PRRC2A: variants seen among roughly 807,000 people sequenced by gnomAD.
The protein encoded by PRRC2A is proline rich coiled-coil 2A, also known as protein PRRC2A.
PRRC2A carries 59 observed loss-of-function variants against 224.6 expected under a neutral mutation model. The observed-to-expected ratio is 0.26, with a 90% confidence interval of 0.21 to 0.33. The LOEUF (loss-of-function observed/expected upper bound fraction) is 0.33, where lower values mean the gene tolerates loss of function less well. Among genes scored for constraint, PRRC2A ranks in the 10% least tolerant of loss-of-function variants. The pLI is 1.00. For synonymous variants in PRRC2A, 1,194 were observed against 1,109.5 expected (o/e 1.08, Z -1.51); for missense variants, 3,095 against 2,880.7 (o/e 1.07, Z -1.70).
chr6:31,632,242 A>T lies in PRRC2A; in HGVS notation c.3569A>T (p.Lys1190Met). ...QVCPGWSPPA[K>M]SLAPKKPPTG... ...TGCCCAGGCTGGAGCCCTCCAGCCA[A>T]GTCTCTGGCTCCCAAGAAACCTCCC... is the stretch of plus-strand genomic sequence containing the variant. The change falls in exon 16 of 31, where the codon AAG (lysine) becomes ATG (methionine). Residue 1190 changes from lysine (K) to methionine (M), a missense_variant. Coordinates refer to ENST00000376033, the MANE Select transcript of PRRC2A (RefSeq NM_004638.4). 3 of 1,612,856 alleles carry T rather than the reference A, an allele frequency of 1.9e-6. No homozygotes were observed. In the South Asian group the frequency reaches 3.3e-5, roughly 18 times the overall value.
chr6:31,623,594 G>T, intron 2 of PRRC2A, 138 bp from the exon 3 acceptor site: 1 of 1,002,894 alleles, frequency 1.0e-6, no homozygotes, highest in East Asian at 2.6e-5. Flanking sequence ...TAAGGGCAGG[G>T]GAAGGAATCC....
At chr6:31,630,099 C>CT (rs1207366427) in intron 14 of PRRC2A, among the ~76,000 whole-genome samples, 20 of 152,108 alleles carry the variant, frequency 1.3e-4, no homozygotes, top group African/African-American at 4.8e-4. Context: ...GGCAGATCAA[C>CT]TGAGTTCAGG....
Position 31,625,246 on chromosome 6 carries a change from A to T in PRRC2A, c.539A>T (p.Asp180Val). ...FPTLQAAGDQDKAAKERESAE... is the reference protein window; with the variant it reads ...FPTLQAAGDQVKAAKERESAE... ...ACCCTGCAGGCGGCTGGCGACCAGG[A>T]CAAGGCTGCCAAGGAAAGGGAGTCT... Residue 180 changes from aspartate (D) to valine (V), a missense_variant, in exon 6 of 31, where the codon GAC (aspartate) becomes GTC (valine). By Grantham distance (152) the Asp-to-Val change is radical (BLOSUM62 -3). Transcript: ENST00000376033. The surrounding 1 kb of genome is among the most constrained non-coding windows in gnomAD (Gnocchi z 4.1). 1 of 1,613,190 alleles carries T rather than the reference A, an allele frequency of 6.2e-7. No individual in the cohort carries two copies. Among genetic ancestry groups the T allele is most frequent in the Non-Finnish European group, 8.5e-7 (1 of 1,180,036 alleles).
In PRRC2A at chr6:31,629,753, C is replaced by G; in HGVS notation, c.2162C>G (p.Pro721Arg). 6.2e-7 allele frequency: 1 copy of G among 1,612,752 alleles called. No homozygotes were observed. Among genetic ancestry groups the G allele is most frequent in the South Asian group, 1.1e-5 (1 of 90,930 alleles). Reference protein sequence around the residue: ...PPPMPPMNFDPRWMMIPPYVD... With the variant: ...PPPMPPMNFDRRWMMIPPYVD... ...CCCATGCCCCCAATGAACTTTGATC[C>G]CCGATGGATGATGATTCCTCCTTAT... The change falls in exon 14 of 31, where the codon CCC (proline) becomes CGC (arginine). Residue 721 changes from proline to arginine, a missense_variant. By Grantham distance (103) the Pro-to-Arg change is moderately radical. Around this residue, in one of 8 missense-constraint regions of PRRC2A, gnomAD observed 2,001 missense variants for 1,764.9 expected, o/e 1.13. Coordinates refer to ENST00000376033, the MANE Select transcript of PRRC2A (RefSeq NM_004638.4).
chr6:31,627,390 CTG>C lies in PRRC2A; in HGVS notation c.1290+193_1290+194del, dbSNP rs1213491334. Reference sequence around the variant, plus strand: ...GGGAGTCTGGGTAAGAAGTGAGAAACTGGGATGCTAATGAGGAAAGAAGAAAA... The same window carrying C: ...GGGAGTCTGGGTAAGAAGTGAGAAACGGATGCTAATGAGGAAAGAAGAAAA... On this transcript the variant is annotated intron_variant, in intron 11 of 30. Transcript: ENST00000376033. This position sits in a 1 kb window ranked among gnomAD's most constrained non-coding sequence, Gnocchi z 5.6. Among the ~76,000 whole-genome samples the C allele has an allele frequency of 6.6e-6, 1 of 152,104 alleles. No individual in the cohort carries two copies. The highest frequency in any genetic ancestry group is 1.5e-5 in the Non-Finnish European group (1 of 68,010).
At position 31,632,130 on chromosome 6, in the gene PRRC2A, T is replaced by G. The variant is rs1168276087; in HGVS notation, c.3457T>G (p.Phe1153Val). The change falls in exon 16 of 31, where the codon TTC becomes GTC. Residue 1153 changes from phenylalanine (F) to valine (V), a missense_variant. Physicochemically the swap from Phe to Val is conservative, Grantham distance 50. Coordinates refer to ENST00000376033, the MANE Select transcript of PRRC2A (RefSeq NM_004638.4). ...GAPPSPAPAR[F>V]TARGGRVFTP... The stretch of plus-strand genomic sequence containing the variant: ...CCCACCTTCACCAGCCCCAGCCCGC[T>G]TCACTGCCCGGGGTGGGCGAGTCTT... 1 of 1,557,892 alleles carries G rather than the reference T, an allele frequency of 6.4e-7. No homozygotes were observed. The highest frequency in any genetic ancestry group is 8.7e-7 in the Non-Finnish European group (1 of 1,152,082).
Position 31,637,573 on chromosome 6 carries a change from C to T in PRRC2A, c.6461C>T (p.Pro2154Leu), listed in dbSNP as rs1313865586. The T allele has an allele frequency of 6.3e-7, 1 of 1,579,892 alleles. No homozygotes were observed. Among genetic ancestry groups the T allele is most frequent in the Non-Finnish European group, 8.6e-7 (1 of 1,164,742 alleles). The change falls in exon 31 of 31, where the codon CCC (proline) becomes CTC (leucine). Residue 2154 changes from proline (P) to leucine (L), a missense_variant. Physicochemically the swap from Pro to Leu is moderately conservative, Grantham distance 98 (BLOSUM62 -3). Around this residue, in one of 8 missense-constraint regions of PRRC2A, gnomAD observed 662 missense variants for 609.5 expected, o/e 1.09. Transcript: ENST00000376033. ...GSRGDKEPGL[P>L]PPR Reference sequence around the variant, plus strand: ...CGAGGGGACAAGGAGCCTGGGTTGCCCCCACCCCGCTGAGGGAGTTCCTCT... The same window carrying T: ...CGAGGGGACAAGGAGCCTGGGTTGCTCCCACCCCGCTGAGGGAGTTCCTCT...
chr6:31,634,424 G>A (rs778008571), intron 19 of PRRC2A, 48 bp from the exon 20 acceptor site: 1 of 1,612,322 alleles, frequency 6.2e-7, no homozygotes, highest in Non-Finnish European at 8.5e-7. Flanking sequence ...AGGGGCTTCT[G>A]AACTGTCATC....
rs1031251619 is a variant in PRRC2A at position 31,635,048 on chromosome 6, TTC to T, written c.5160+77_5161-77del. The T allele has an allele frequency of 1.0e-4, 167 of 1,598,492 alleles. No homozygotes were observed. The African/African-American group carries it at 2.1e-3, about 20-fold the overall frequency. The stretch of plus-strand genomic sequence containing the variant: ...CTTTGGCCCTACCTTTTTCTGCTTT[TTC>T]TCTCTGCGTGTGTGTTCTGGGCATT... On this transcript the variant is annotated intron_variant, in intron 21 of 30. Coordinates refer to ENST00000376033, the MANE Select transcript of PRRC2A (RefSeq NM_004638.4).
Position 31,632,118 on chromosome 6 carries a change from G to C in PRRC2A, c.3445G>C (p.Ala1149Pro). The C allele has an allele frequency of 6.4e-7, 1 of 1,554,868 alleles. No homozygotes were observed. The change falls in exon 16 of 31, where the codon GCC (alanine) becomes CCC (proline). Residue 1149 changes from alanine to proline, a missense_variant. This residue lies in a region of PRRC2A where 2,001 missense variants were observed against 1,764.9 expected (regional missense o/e 1.13). Transcript: ENST00000376033. ...PPPPGAPPSPAPARFTARGGR... is the reference protein window; with the variant it reads ...PPPPGAPPSPPPARFTARGGR... ...ACCACCAGGAGCCCCACCTTCACCA[G>C]CCCCAGCCCGCTTCACTGCCCGGGG...
Position 31,636,696 on chromosome 6 carries a change from C to T in PRRC2A, c.5935-37C>T. 1 of 1,600,566 alleles carries T rather than the reference C, an allele frequency of 6.2e-7. No individual in the cohort carries two copies. Among genetic ancestry groups the T allele is most frequent in the Non-Finnish European group, 8.5e-7 (1 of 1,171,922 alleles). On this transcript the variant is annotated intron_variant, in intron 27 of 30. Transcript: ENST00000376033. This position sits in a 1 kb window ranked among gnomAD's most constrained non-coding sequence, Gnocchi z 4.3. ...TTCCCTGGTTTTCTGACATTCCTCC[C>T]TGCCCCCAACATGCACACCCAAATT...
Position 31,625,868 on chromosome 6 carries a change from C to G in PRRC2A, c.836C>G (p.Pro279Arg), listed in dbSNP as rs375687339. Reference sequence around the variant, plus strand: ...TACCGATACCCCACTCCTGATGGGCCCAGGTGAGCAATCCAGGTCTGGGTT... The same window carrying G: ...TACCGATACCCCACTCCTGATGGGCGCAGGTGAGCAATCCAGGTCTGGGTT... ...GPYRYPTPDG[P>R]SRFPRVAGPR... The change falls in exon 8 of 31, where the codon CCC (proline) becomes CGC (arginine). Residue 279 changes from proline to arginine, a missense_variant. Physicochemically the swap from Pro to Arg is moderately radical, Grantham distance 103. Around this residue, in one of 8 missense-constraint regions of PRRC2A, gnomAD observed 287 missense variants for 275.3 expected, o/e 1.04. Transcript: ENST00000376033. This position sits in a 1 kb window ranked among gnomAD's most constrained non-coding sequence, Gnocchi z 4.1. The G allele has an allele frequency of 1.2e-5, 19 of 1,586,440 alleles. No individual in the cohort carries two copies. In the African/African-American group the frequency reaches 2.3e-4, roughly 19 times the overall value.
At position 31,625,958 on chromosome 6, in the gene PRRC2A, T is replaced by C. The variant is rs1775861027; in HGVS notation, c.840-62T>C. 5.0e-6 allele frequency: 8 copies of C among 1,599,434 alleles called. No individual in the cohort carries two copies. In the South Asian group the frequency reaches 8.9e-5, roughly 18 times the overall value. Reference sequence around the variant, plus strand: ...GGTTTTCTAGCCAGGAGGCTCAGTCTAGGATCAGTCTCGCATGTGGTTATA... The same window carrying C: ...GGTTTTCTAGCCAGGAGGCTCAGTCCAGGATCAGTCTCGCATGTGGTTATA... On this transcript the variant is annotated intron_variant, in intron 8 of 30. Transcript: ENST00000376033. This position sits in a 1 kb window ranked among gnomAD's most constrained non-coding sequence, Gnocchi z 4.1.
rs961599387 is a variant in PRRC2A, at chr6:31,629,663, CAGCTCCACA to C, written c.2073_2081del (p.Gln694_Pro696del). 4.3e-6 allele frequency: 7 copies of C among 1,610,302 alleles called. No individual in the cohort carries two copies. The highest frequency in any genetic ancestry group is 2.7e-5 in the African/African-American group (2 of 74,822). Reference sequence around the variant, plus strand: ...CAGCCTGTGACCCTGGGGGCTGTGCCAGCTCCACAGGCTCCACCCCCGCCCCCCAAGGCC... The same window carrying C: ...CAGCCTGTGACCCTGGGGGCTGTGCCGGCTCCACCCCCGCCCCCCAAGGCC... On this transcript the variant is annotated inframe_deletion, in exon 14 of 31. Transcript: ENST00000376033.
intron 1 of PRRC2A, among the ~76,000 whole-genome samples, chr6:31,622,189 C>T (rs537815928): frequency 2.0e-5 from 3 of 152,334 alleles, no homozygotes; most frequent in Admixed American, 2.0e-4. Context: ...TCCCAGCATA[C>T]CTTCCTGCAA....
At chr6:31,630,873 G>A in intron 15 of PRRC2A, 72 bp downstream of exon 15, 1 of 1,541,658 alleles carries the variant, frequency 6.5e-7, no homozygotes, top group South Asian at 1.2e-5. Flanking sequence ...GGTACTTTGG[G>A]TTAGTGGTAG....
intron 5 of PRRC2A, chr6:31,624,956 C>T: frequency 1.7e-6 from 1 of 595,114 alleles, no homozygotes; most frequent in Non-Finnish European, 2.9e-6. Context: ...CGCCAACACA[C>T]CCAGCTAATT....
rs752288663 is a variant in PRRC2A, at chr6:31,623,801, A to G, written c.182A>G (p.Asn61Ser). 1 of 1,614,144 alleles carries G rather than the reference A, an allele frequency of 6.2e-7. No homozygotes were observed. Among genetic ancestry groups the G allele is most frequent in the Non-Finnish European group, 8.5e-7 (1 of 1,180,014 alleles). ...GCCCGGCGTATGCCACCTCCAGCCA[A>G]CCTTCCAAGCCTGAAAGCCGAGAAC... ...AIARRMPPPA[N>S]LPSLKAENKG... Residue 61 changes from asparagine (N) to serine (S), a missense_variant, in exon 3 of 31, where the codon AAC becomes AGC. Physicochemically the swap from Asn to Ser is conservative, Grantham distance 46 (BLOSUM62 1). This residue lies in a region of PRRC2A where 3 missense variants were observed against 19.5 expected (regional missense o/e 0.15). Transcript: ENST00000376033.
Position 31,636,516 on chromosome 6 carries a change from C to T in PRRC2A, c.5842C>T (p.Gln1948Ter). 6.2e-7 allele frequency: 1 copy of T among 1,609,428 alleles called. No homozygotes were observed. The highest frequency in any genetic ancestry group is 8.5e-7 in the Non-Finnish European group (1 of 1,178,004). Residue 1948 changes from glutamine to a stop codon, truncating the protein, a stop_gained, in exon 27 of 31, where the codon CAG (glutamine) becomes TAG (stop). Coordinates refer to ENST00000376033, the MANE Select transcript of PRRC2A (RefSeq NM_004638.4). LOFTEE classifies it high-confidence loss of function. This position sits in a 1 kb window ranked among gnomAD's most constrained non-coding sequence, Gnocchi z 4.3. ...LPDTSLLQVR[Q>*]DLPSPSDFYS... ...TCTCCCTGTTTCCCGACAGGTACGC[C>T]AGGATCTGCCATCCCCTTCGGATTT...
Sources: allele counts gnomAD v4.1 joint callset (sites outside exome capture counted in the v4.1 genomes callset), GRCh38; gene constraint gnomAD v4.1.1; regional missense constraint gnomAD v4.1.1; non-coding constraint Gnocchi (gnomAD v3.1); transcripts MANE v1.5; gene names NCBI Gene and HGNC (gene_info 2026-07-23, HGNC 2026-07-21).